Variants in SCMH1 observed in about 807,000 individuals in gnomAD.
SCMH1 encodes polycomb protein SCMH1.
SCMH1 carries 37 observed loss-of-function variants against 70.8 expected under a neutral mutation model. The ratio of observed to expected loss-of-function variants is 0.52; its 90% CI spans 0.40 to 0.69. The LOEUF (loss-of-function observed/expected upper bound fraction) is 0.69. Ranked by LOEUF, SCMH1 falls within the 30% of genes least tolerant of loss-of-function variation. The probability of loss-of-function intolerance (pLI) is 0.00; values close to 1 mark genes in which losing one functional copy is unlikely to be tolerated. For missense variants in SCMH1, 607 were observed against 827.3 expected, an observed-to-expected ratio of 0.73 and a Z score of 3.27; for synonymous variants, 292 against 307.4, an observed-to-expected ratio of 0.95 and a Z score of 0.52.
chr1:41,068,965 G>C (rs748915659), intron 10 of SCMH1, among the ~76,000 whole-genome samples: 2 of 152,142 alleles, frequency 1.3e-5, no homozygotes, highest in African/African-American at 2.4e-5. Context: ...TTCTTCTAGA[G>C]TATGACATGG....
chr1:41,093,044 A>T (rs1232797542), intron 8 of SCMH1, among the ~76,000 whole-genome samples: 1 of 152,210 alleles, frequency 6.6e-6, no homozygotes, highest in Non-Finnish European at 1.5e-5. Context: ...AAGGATTATA[A>T]ATCATGCTGC....
intron 8 of SCMH1, among the ~76,000 whole-genome samples, chr1:41,099,621 C>CT (rs1666037106): frequency 6.6e-6 from 1 of 152,200 alleles, no homozygotes; most frequent in South Asian, 2.1e-4. Flanking sequence ...CAAATAACCT[C>CT]TTTAAGTTAT....
chr1:41,176,989 G>A (rs1328856689), intron 2 of SCMH1, among the ~76,000 whole-genome samples: 1 of 152,200 alleles, frequency 6.6e-6, no homozygotes, highest in African/African-American at 2.4e-5. Flanking sequence ...CTAACTGGGA[G>A]GCACCCCCCA....
At chr1:41,200,813 T>C (rs1346916281) in intron 1 of SCMH1, among the ~76,000 whole-genome samples, 1 of 152,338 alleles carries the variant, frequency 6.6e-6, no homozygotes, top group East Asian at 1.9e-4. Context: ...TTTGAATGCA[T>C]GTCATCATCT....
intron 8 of SCMH1, among the ~76,000 whole-genome samples, chr1:41,090,351 T>C (rs1313024647): frequency 6.6e-6 from 1 of 152,208 alleles, no homozygotes; most frequent in East Asian, 1.9e-4. Context: ...TCTCTTCATC[T>C]CTGATCTAAC....
At position 41,046,611 on chromosome 1, in the gene SCMH1, T is replaced by C. The variant is rs764411721; in HGVS notation, c.1307-13A>G. On this transcript the variant is annotated splice_polypyrimidine_tract_variant and intron_variant, in intron 11 of 14. Transcript: ENST00000337495. ...CGGTCAAACACGGCTGTGGAGTGAG[T>C]AAACAGGGCCAAGCATGTCAGCCTG... 6.2e-7 allele frequency: 1 copy of C among 1,610,406 alleles called. No individual in the cohort carries two copies. The highest frequency in any genetic ancestry group is 1.1e-5 in the South Asian group (1 of 90,940).
chr1:41,029,614 T>A (rs544387227), intron 13 of SCMH1, among the ~76,000 whole-genome samples: 2 of 152,348 alleles, frequency 1.3e-5, no homozygotes, highest in South Asian at 4.1e-4. Context: ...CTGTGGGATT[T>A]GGGATCTCTG....
intron 10 of SCMH1, among the ~76,000 whole-genome samples, chr1:41,063,475 A>AAAT (rs1352934213): frequency 1.3e-5 from 2 of 151,940 alleles, no homozygotes. Context: ...TCTGTCTAAA[A>AAAT]AATAATAATA....
At position 41,114,701 on chromosome 1, in the gene SCMH1, G is replaced by C. The variant is rs142876501; in HGVS notation, c.502-1175C>G. On this transcript the variant is annotated intron_variant, in intron 7 of 14. Transcript: ENST00000337495. ...TCTCTCTCTTTCTTTTTTGGAGAAA[G>C]GGTCTGGTTCTGTCACCCAGGCTGG... Among the ~76,000 whole-genome samples the C allele has an allele frequency of 8.7e-3, 1,287 of 148,222 alleles. 18 individuals carry two copies. The highest frequency in any genetic ancestry group is 0.029 in the African/African-American group (1,165 of 40,280).
At chr1:41,122,667 C>T (rs978682883) in intron 6 of SCMH1, among the ~76,000 whole-genome samples, 3 of 152,124 alleles carry the variant, frequency 2.0e-5, no homozygotes, top group African/African-American at 7.2e-5. Context: ...TGAAACTCAA[C>T]GTTACAAGTC....
chr1:41,160,652 C>G (rs1229807179), intron 4 of SCMH1, among the ~76,000 whole-genome samples: 1 of 152,152 alleles, frequency 6.6e-6, no homozygotes, highest in Non-Finnish European at 1.5e-5. Flanking sequence ...CACCTTCCCT[C>G]CCTTCTTGTT....
chr1:41,145,719 T>C (rs78680758), intron 5 of SCMH1, among the ~76,000 whole-genome samples: 1,668 of 152,270 alleles, frequency 0.011, 30 homozygotes, highest in African/African-American at 0.038. Flanking sequence ...AAACAGACTA[T>C]GTATAGATTG....
At chr1:41,241,672 C>A (rs1170853048) in intron 1 of SCMH1, among the ~76,000 whole-genome samples, 1 of 152,006 alleles carries the variant, frequency 6.6e-6, no homozygotes, top group Non-Finnish European at 1.5e-5. Flanking sequence ...TGCCCCGGCC[C>A]ACCCGGCCCC....
At chr1:41,096,708 G>C (rs1288961994) in intron 8 of SCMH1, among the ~76,000 whole-genome samples, 1 of 152,130 alleles carries the variant, frequency 6.6e-6, no homozygotes, top group African/African-American at 2.4e-5. Flanking sequence ...TACAGTCAAA[G>C]GGAATCCTGT....
intron 1 of SCMH1, among the ~76,000 whole-genome samples, chr1:41,187,813 CAAA>C (rs112850018): frequency 0.084 from 11,584 of 137,264 alleles, 579 homozygotes; most frequent in South Asian, 0.13. Flanking sequence ...CCCATCTCTA[CAAA>C]AAAAAAAAAA....
At chr1:41,161,265 T>A in intron 3 of SCMH1, 99 bp downstream of exon 3, 1 of 1,522,074 alleles carries the variant, frequency 6.6e-7, no homozygotes, top group Non-Finnish European at 8.8e-7. Context: ...ATATAACAAT[T>A]GAGTTATTTG....
chr1:41,149,577 G>C (rs1260074954), intron 5 of SCMH1, among the ~76,000 whole-genome samples: 1 of 152,076 alleles, frequency 6.6e-6, no homozygotes, highest in Non-Finnish European at 1.5e-5. Flanking sequence ...ATGGGTACTG[G>C]ATATTCTTGC....
intron 2 of SCMH1, among the ~76,000 whole-genome samples, chr1:41,174,170 C>T (rs1646964865): frequency 6.6e-6 from 1 of 151,546 alleles, no homozygotes; most frequent in African/African-American, 2.4e-5. Context: ...ATATTGTGTA[C>T]ATGTATTGAA....
At chr1:41,138,592 G>A (rs774357928) in intron 6 of SCMH1, among the ~76,000 whole-genome samples, 3 of 151,836 alleles carry the variant, frequency 2.0e-5, no homozygotes, top group South Asian at 2.1e-4. Flanking sequence ...TGTTCACCTT[G>A]GAATTCAGTC....
Sources: allele counts gnomAD v4.1 joint callset (sites outside exome capture counted in the v4.1 genomes callset), GRCh38; gene constraint gnomAD v4.1.1; transcripts MANE v1.5; gene names NCBI Gene and HGNC (gene_info 2026-07-23, HGNC 2026-07-21).